PCDH17: variants seen among roughly 807,000 people sequenced by gnomAD.
PCDH17 encodes the protein protocadherin-17.
PCDH17 carries 21 observed loss-of-function variants against 67.7 expected under a neutral mutation model. The observed-to-expected ratio is 0.31, with a 90% CI of 0.22 to 0.45. The LOEUF is 0.45. PCDH17 is among the 20% of genes least tolerant of loss of function. PCDH17 has a pLI of 1.00. For missense variants in PCDH17, 1,471 were observed against 1,564.8 expected (o/e 0.94, Z 1.01); for synonymous variants, 701 against 656.7 (o/e 1.07, Z -1.03).
chr13:57,704,901 T>A (rs1955706096), intron 3 of PCDH17, among the ~76,000 whole-genome samples: 1 of 152,094 alleles, frequency 6.6e-6, no homozygotes, highest in South Asian at 2.1e-4. Flanking sequence ...ATACTATAAG[T>A]ACATATACAT....
At chr13:57,710,248 C>G (rs1330072445) in intron 3 of PCDH17, among the ~76,000 whole-genome samples, 1 of 151,854 alleles carries the variant, frequency 6.6e-6, no homozygotes, top group African/African-American at 2.4e-5. Flanking sequence ...CCCCAAATTC[C>G]TCTTTCCTTT....
intron 3 of PCDH17, among the ~76,000 whole-genome samples, chr13:57,711,986 C>G (rs1434730899): frequency 6.6e-6 from 1 of 151,286 alleles, no homozygotes; most frequent in Admixed American, 6.6e-5. Context: ...AATAAAACAA[C>G]TATACTCAAT....
intron 3 of PCDH17, among the ~76,000 whole-genome samples, chr13:57,689,057 T>C (rs1955532997): frequency 6.6e-6 from 1 of 152,040 alleles, no homozygotes; most frequent in Admixed American, 6.6e-5. Flanking sequence ...AATTCATTTG[T>C]GCTTTCGCAA....
intron 3 of PCDH17, among the ~76,000 whole-genome samples, chr13:57,710,230 A>T (rs1214585103): frequency 6.6e-6 from 1 of 151,852 alleles, no homozygotes; most frequent in East Asian, 1.9e-4. Flanking sequence ...TCACCTGAGA[A>T]ACTGAGTCCC....
At chr13:57,640,150 AT>A (rs1183685576) in intron 1 of PCDH17, among the ~76,000 whole-genome samples, 1 of 151,950 alleles carries the variant, frequency 6.6e-6, no homozygotes, top group African/African-American at 2.4e-5. Context: ...TAGCATTTAT[AT>A]TTTATCATGT....
Position 57,671,409 on chromosome 13 carries a change from A to G in PCDH17, c.2797+4576A>G, listed in dbSNP as rs1370393719. The stretch of plus-strand genomic sequence containing the variant: ...TAAATATAGTATTAGTTCTGTAAAG[A>G]AGAGCTACCTATAGTTTTATAAATA... On this transcript the variant is annotated intron_variant, in intron 3 of 3. Transcript: ENST00000377918. 6.6e-5 allele frequency among the ~76,000 whole-genome samples: 10 copies of G among 151,902 alleles called. No individual in the cohort carries two copies. The East Asian group carries it at 1.9e-3, about 29-fold the overall frequency.
chr13:57,717,155 C>T (rs1955824783), intron 3 of PCDH17, among the ~76,000 whole-genome samples: 1 of 151,862 alleles, frequency 6.6e-6, no homozygotes, highest in Admixed American at 6.6e-5. Context: ...CCTTTACTTC[C>T]AAGCATCTGC....
intron 3 of PCDH17, among the ~76,000 whole-genome samples, chr13:57,671,907 A>G (rs191640518): frequency 1.4e-4 from 21 of 152,142 alleles, no homozygotes; most frequent in Non-Finnish European, 2.1e-4. Flanking sequence ...ACTGGATTCA[A>G]GGACTTCTCT....
intron 3 of PCDH17, chr13:57,709,572 A>G (rs1340177328): frequency 1.3e-5 from 2 of 151,944 alleles, no homozygotes; most frequent in African/African-American, 4.8e-5. Flanking sequence ...TTTTAATATA[A>G]AAGTTAAAAT....
intron 1 of PCDH17, among the ~76,000 whole-genome samples, chr13:57,652,087 G>A (rs1241646710): frequency 3.3e-5 from 5 of 151,374 alleles, no homozygotes; most frequent in Admixed American, 6.6e-5. Context: ...GACCATCCTG[G>A]CTAACAAGGT....
At chr13:57,654,557 C>T (rs998411891) in intron 1 of PCDH17, among the ~76,000 whole-genome samples, 1 of 151,938 alleles carries the variant, frequency 6.6e-6, no homozygotes, top group Non-Finnish European at 1.5e-5. Context: ...AGTAAGATTG[C>T]TTGTTTCACT....
intron 3 of PCDH17, among the ~76,000 whole-genome samples, chr13:57,702,025 C>G (rs1244276666): frequency 1.3e-5 from 2 of 151,974 alleles, no homozygotes; most frequent in Non-Finnish European, 2.9e-5. Flanking sequence ...TCAAGCGATT[C>G]TTCTGCTTCA....
At position 57,634,854 on chromosome 13, in the gene PCDH17, G is replaced by T. The variant is rs749478979; in HGVS notation, c.2308G>T (p.Val770Leu). 1.2e-6 allele frequency: 2 copies of T among 1,614,116 alleles called. No homozygotes were observed. Among genetic ancestry groups the T allele is most frequent in the Non-Finnish European group, 1.7e-6 (2 of 1,180,018 alleles). Residue 770 changes from valine to leucine, a missense_variant, in exon 1 of 4, where the codon GTG becomes TTG. Physicochemically the swap from Val to Leu is conservative, Grantham distance 32 (BLOSUM62 1). Coordinates refer to ENST00000377918, the MANE Select transcript of PCDH17 (RefSeq NM_001040429.3). This position sits in a 1 kb window ranked among gnomAD's most constrained non-coding sequence, Gnocchi z 7.8. ...KKINKNDIML[V>L]QSEVEERNAM... ...GATCAACAAAAATGATATCATGCTG[G>T]TGCAGAGCGAAGTGGAGGAGAGGAA...
chr13:57,630,686 T>C (rs1954707572), upstream of PCDH17, among the ~76,000 whole-genome samples: 1 of 152,254 alleles, frequency 6.6e-6, no homozygotes, highest in South Asian at 2.1e-4. Flanking sequence ...CTTCACCTTC[T>C]TCCCTCCATC....
rs773465495 is a variant in PCDH17 at position 57,634,373 on chromosome 13, T to G, written c.1827T>G (p.Thr609=). ...CTGGCCTGGGCTATCTGGTGAGCAC[T>G]GTGCGCGCCCTAGACAGCGACTTCG... ...RNAGLGYLVS[T]VRALDSDFGE... is the part of the protein sequence containing the mutation. The change falls in exon 1 of 4, where the codon ACT becomes ACG. Residue 609 remains threonine (T), a synonymous_variant. Coordinates refer to ENST00000377918, the MANE Select transcript of PCDH17 (RefSeq NM_001040429.3). The surrounding 1 kb of genome is among the most constrained non-coding windows in gnomAD (Gnocchi z 7.8). 2 of 1,612,558 alleles carry G rather than the reference T, an allele frequency of 1.2e-6. No homozygotes were observed. The highest frequency in any genetic ancestry group is 1.3e-5 in the African/African-American group (1 of 75,032).
intron 3 of PCDH17, among the ~76,000 whole-genome samples, chr13:57,670,278 G>T (rs530620786): frequency 4.5e-4 from 69 of 151,782 alleles, no homozygotes; most frequent in African/African-American, 1.6e-3. Context: ...ATTAAGTCAA[G>T]CACACATATA....
intron 3 of PCDH17, among the ~76,000 whole-genome samples, chr13:57,681,990 G>T (rs2138049093): frequency 6.6e-6 from 1 of 151,822 alleles, no homozygotes; most frequent in South Asian, 2.1e-4. Context: ...ATTCATGAGA[G>T]ATTTCACAGT....
At chr13:57,678,708 A>G (rs191967768) in intron 3 of PCDH17, among the ~76,000 whole-genome samples, 1 of 151,612 alleles carries the variant, frequency 6.6e-6, no homozygotes, top group Non-Finnish European at 1.5e-5. Context: ...CAAGGTGCAC[A>G]TGCGTCAAAA....
intron 3 of PCDH17, among the ~76,000 whole-genome samples, chr13:57,689,937 A>T (rs1955543053): frequency 6.6e-6 from 1 of 151,882 alleles, no homozygotes; most frequent in Admixed American, 6.6e-5. Context: ...GTCTTAAAAT[A>T]AGATCTCTAA....
Sources: gnomAD v4.1 joint callset for allele counts (sites outside exome capture counted in the v4.1 genomes callset) on GRCh38, gnomAD v4.1.1 for gene constraint, Gnocchi (gnomAD v3.1) non-coding constraint, MANE v1.5 for transcripts, NCBI Gene and HGNC (gene_info 2026-07-23, HGNC 2026-07-21) for gene names.